Variants in OSBPL10 observed in about 807,000 individuals in gnomAD.
OSBPL10 encodes the protein oxysterol-binding protein-related protein 10.
Under a neutral mutation model 81.7 loss-of-function variants are expected in OSBPL10, and 49 were observed. The observed-to-expected ratio is 0.60, with a 90% CI of 0.48 to 0.76. The LOEUF (loss-of-function observed/expected upper bound fraction) is 0.76, where lower values mean the gene tolerates loss of function less well. OSBPL10 is among the 30% of genes least tolerant of loss of function. OSBPL10 has a pLI of 0.00. For missense variants in OSBPL10, 923 were observed against 987.8 expected (o/e 0.93, Z 0.88); for synonymous variants, 419 against 383.6 (o/e 1.09, Z -1.08).
At chr3:31,833,015 T>A (rs753151329) in intron 3 of OSBPL10, among the ~76,000 whole-genome samples, 5 of 152,208 alleles carry the variant, frequency 3.3e-5, no homozygotes, top group Non-Finnish European at 7.3e-5. Flanking sequence ...TGGATTTGAC[T>A]TGGACATAAT....
chr3:31,788,272 C>T (rs1559465364), intron 4 of OSBPL10, among the ~76,000 whole-genome samples: 1 of 152,114 alleles, frequency 6.6e-6, no homozygotes, highest in Non-Finnish European at 1.5e-5. Flanking sequence ...AAATTTTATC[C>T]TATAAAATCC....
At chr3:31,816,009 C>T (rs1264226672) in intron 4 of OSBPL10, among the ~76,000 whole-genome samples, 2 of 152,150 alleles carry the variant, frequency 1.3e-5, no homozygotes, top group African/African-American at 4.8e-5. Context: ...GCATCAAAGG[C>T]ACCTAAGACA....
Position 31,897,102 on chromosome 3 carries a change from TAGAC to T in OSBPL10, c.282-17276_282-17273del, listed in dbSNP as rs1696081574. Reference sequence around the variant, plus strand: ...AGGAAGAAAAAAGAATGGAATGACTTAGACAGAAGAAGCAGACCTAATAGAAAAC... The same window carrying T: ...AGGAAGAAAAAAGAATGGAATGACTTAGAAGAAGCAGACCTAATAGAAAAC... On this transcript the variant is annotated intron_variant, in intron 1 of 11. Coordinates refer to ENST00000396556, the MANE Select transcript of OSBPL10 (RefSeq NM_017784.5). Among the ~76,000 whole-genome samples, 3 of 152,272 alleles carry T rather than the reference TAGAC, an allele frequency of 2.0e-5. No homozygotes were observed. The South Asian group carries it at 6.2e-4, about 32-fold the overall frequency.
At chr3:32,057,300 C>T (rs556895876) in intron 1 of OSBPL10, among the ~76,000 whole-genome samples, 17 of 151,568 alleles carry the variant, frequency 1.1e-4, no homozygotes, top group South Asian at 4.2e-4. Flanking sequence ...TTTTTTTTTG[C>T]GTGAGGTTTA....
chr3:31,722,268 T>C (rs1157990634), intron 6 of OSBPL10, among the ~76,000 whole-genome samples: 1 of 152,158 alleles, frequency 6.6e-6, no homozygotes, highest in Non-Finnish European at 1.5e-5. Context: ...TATTCTCAGA[T>C]GATATAAACA....
chr3:31,833,814 C>T (rs1700308527), intron 3 of OSBPL10, among the ~76,000 whole-genome samples: 1 of 152,076 alleles, frequency 6.6e-6, no homozygotes, highest in Non-Finnish European at 1.5e-5. Context: ...TGGCAATAGA[C>T]ACCTTTGCCT....
intron 4 of OSBPL10, among the ~76,000 whole-genome samples, chr3:31,792,121 C>T (rs1699025928): frequency 6.6e-6 from 1 of 151,654 alleles, no homozygotes; most frequent in African/African-American, 2.4e-5. Flanking sequence ...CCCAGCTACT[C>T]GTGACACTGA....
At chr3:32,043,646 C>A (rs113135013) in intron 2 of OSBPL10, among the ~76,000 whole-genome samples, 4 of 152,226 alleles carry the variant, frequency 2.6e-5, no homozygotes, top group African/African-American at 7.2e-5. Flanking sequence ...AACACTATCA[C>A]TCCTTTCTCC....
At chr3:32,036,948 A>G (rs935264931) in intron 2 of OSBPL10, among the ~76,000 whole-genome samples, 2 of 152,192 alleles carry the variant, frequency 1.3e-5, no homozygotes, top group Non-Finnish European at 2.9e-5. Flanking sequence ...CAGAAGTCCT[A>G]CTAGTATAGA....
intron 1 of OSBPL10, among the ~76,000 whole-genome samples, chr3:31,937,232 C>T (rs11716673): frequency 0.17 from 24,920 of 149,946 alleles, 2,530 homozygotes; most frequent in South Asian, 0.26. Flanking sequence ...TGCAGTGATC[C>T]GAGATTGCGC....
chr3:32,066,204 G>T (rs79923561), intron 1 of OSBPL10, among the ~76,000 whole-genome samples: 22,857 of 73,192 alleles, frequency 0.31, 8,886 homozygotes, highest in Non-Finnish European at 0.48. Flanking sequence ...AAGGAAGGAA[G>T]GAAGGAAGGA....
intron 1 of OSBPL10, among the ~76,000 whole-genome samples, chr3:31,904,411 AAGGGCTCCTGGAAAAC>A (rs1696343924): frequency 6.6e-6 from 1 of 152,150 alleles, no homozygotes; most frequent in South Asian, 2.1e-4. Context: ...GGCTGCCACA[AAGGGCTCCTGGAAAAC>A]AGGCACATTT....
At position 31,851,081 on chromosome 3, in the gene OSBPL10, G is replaced by GA. The variant is rs553993558; in HGVS notation, c.538-20851dup. ...AAGTTGCAAAAAAAATTTCACAAGA[G>GA]AAAAGATAGATGTCTTTTTCTCATT... On this transcript the variant is annotated intron_variant, in intron 3 of 11. Coordinates refer to ENST00000396556, the MANE Select transcript of OSBPL10 (RefSeq NM_017784.5). Among the ~76,000 whole-genome samples, 79 of 152,268 alleles carry GA rather than the reference G, an allele frequency of 5.2e-4. 1 individual carries two copies. Among genetic ancestry groups the GA allele is most frequent in the African/African-American group, 1.8e-3 (74 of 41,566 alleles).
intron 1 of OSBPL10, among the ~76,000 whole-genome samples, chr3:31,935,001 G>C (rs1470046501): frequency 6.6e-6 from 1 of 152,170 alleles, no homozygotes; most frequent in Non-Finnish European, 1.5e-5. Context: ...TTTCTGATTT[G>C]CAACTCTTAG....
chr3:32,021,325 G>A (rs565044188), intron 2 of OSBPL10, among the ~76,000 whole-genome samples: 6 of 152,174 alleles, frequency 3.9e-5, no homozygotes, highest in African/African-American at 1.4e-4. Context: ...CTCAAATAAA[G>A]TTCAACGTCA....
intron 1 of OSBPL10, among the ~76,000 whole-genome samples, chr3:31,923,222 G>T (rs748852122): frequency 6.8e-4 from 104 of 152,090 alleles, no homozygotes; most frequent in Non-Finnish European, 1.2e-3. Flanking sequence ...GGAGGAAAGG[G>T]GTGGGGAGCT....
intron 5 of OSBPL10, among the ~76,000 whole-genome samples, chr3:31,746,725 A>G (rs1261596032): frequency 1.3e-5 from 2 of 151,706 alleles, no homozygotes; most frequent in Admixed American, 6.6e-5. Context: ...TCGCAAGGAT[A>G]AAAAACCAAA....
chr3:32,014,213 T>C (rs1231481109), intron 2 of OSBPL10, among the ~76,000 whole-genome samples: 3 of 152,146 alleles, frequency 2.0e-5, no homozygotes, highest in African/African-American at 7.2e-5. Context: ...ACTGGCAAAC[T>C]GAATCCAGCA....
In OSBPL10 at chr3:31,684,114, C is replaced by T; in HGVS notation, c.1246G>A (p.Val416Met). The change falls in exon 8 of 12, where the codon GTG (valine) becomes ATG (methionine). Residue 416 changes from valine to methionine, a missense_variant and splice_region_variant. This residue lies in a region of OSBPL10 where 22 missense variants were observed against 43.4 expected (regional missense o/e 0.51). Transcript: ENST00000396556. ...QLKLGMDLTK[V>M]VLPTFILEKR... ...TCCAGGATAAAGGTGGGAAGCACCACCTGCATTTGGAAGGACACAAAGTCA... is the reference window on the plus strand; with the variant it reads ...TCCAGGATAAAGGTGGGAAGCACCATCTGCATTTGGAAGGACACAAAGTCA... 2 of 1,611,766 alleles carry T rather than the reference C, an allele frequency of 1.2e-6. No homozygotes were observed. Among genetic ancestry groups the T allele is most frequent in the Non-Finnish European group, 1.7e-6 (2 of 1,178,004 alleles).
Sources: allele counts gnomAD v4.1 joint callset (sites outside exome capture counted in the v4.1 genomes callset), GRCh38; gene constraint gnomAD v4.1.1; regional missense constraint gnomAD v4.1.1; transcripts MANE v1.5; gene names NCBI Gene and HGNC (gene_info 2026-07-23, HGNC 2026-07-21).